Variants in ARPC3 observed in about 807,000 individuals in gnomAD.
The protein encoded by ARPC3 is actin-related protein 2/3 complex subunit 3.
ARPC3 carries 12 observed loss-of-function variants against 27.6 expected under a neutral mutation model. The ratio of observed to expected loss-of-function variants is 0.43; its 90% confidence interval spans 0.28 to 0.70. The LOEUF (loss-of-function observed/expected upper bound fraction) is 0.70. Ranked by LOEUF, ARPC3 falls within the 30% of genes least tolerant of loss-of-function variation. The probability of loss-of-function intolerance (pLI) is 0.17; values close to 1 mark genes in which losing one functional copy is unlikely to be tolerated. For missense variants in ARPC3, 153 were observed against 207.7 expected (o/e 0.74, Z 1.62); for synonymous variants, 53 against 67.2 (o/e 0.79, Z 1.03).
intron 1 of ARPC3, among the ~76,000 whole-genome samples, chr12:110,445,975 G>A (rs1269939724): frequency 6.6e-6 from 1 of 151,844 alleles, no homozygotes; most frequent in Non-Finnish European, 1.5e-5. Flanking sequence ...GTGGCGGCGT[G>A]CGCCTGTAGT....
chr12:110,441,626 G>A (rs2062438130), intron 2 of ARPC3, among the ~76,000 whole-genome samples: 2 of 151,954 alleles, frequency 1.3e-5, no homozygotes, highest in East Asian at 3.9e-4. Context: ...GAATTCCTGA[G>A]CGCAAGTGAT....
At chr12:110,441,768 C>T (rs1007182226) in intron 2 of ARPC3, among the ~76,000 whole-genome samples, 10 of 151,800 alleles carry the variant, frequency 6.6e-5, no homozygotes, top group Admixed American at 2.6e-4. Flanking sequence ...CAGTGACTCA[C>T]GCCTGTAATC....
intron 4 of ARPC3, 30 bp from the exon 5 acceptor site, chr12:110,436,713 C>CACAT: frequency 5.4e-5 from 7 of 129,890 alleles, no homozygotes; most frequent in Admixed American, 1.1e-4. Context: ...TATATATATA[C>CACAT]ACACACACAC....
At chr12:110,444,590 ATTTTC>A (rs1361472229) in intron 2 of ARPC3, among the ~76,000 whole-genome samples, 3 of 152,010 alleles carry the variant, frequency 2.0e-5, no homozygotes, top group Middle Eastern at 3.4e-3. Context: ...CAGCCTTGTG[ATTTTC>A]TTTTATGTTA....
intron 4 of ARPC3, 88 bp from the exon 5 acceptor site, chr12:110,436,771 GA>G (rs2062408470): frequency 9.3e-7 from 1 of 1,078,084 alleles, no homozygotes; most frequent in Non-Finnish European, 1.3e-6. Flanking sequence ...ACAGGGAAAA[GA>G]AGAATTCTAT....
intron 6 of ARPC3, among the ~76,000 whole-genome samples, 198 bp from the exon 7 acceptor site, chr12:110,435,415 C>T (rs997418846): frequency 1.3e-5 from 2 of 151,736 alleles, no homozygotes; most frequent in South Asian, 2.1e-4. Context: ...CTGCAAGCTC[C>T]GCCTCCTGGG....
At position 110,436,699 on chromosome 12, in the gene ARPC3, T is replaced by TATATATATATACACAC; in HGVS notation, c.253-17_253-16insGTGTGTATATATATAT. ...TGGAATTGCACTGGAAAAAAAAATA[T>TATATATATATACACAC]ATATATATATATACACACACACACA... On this transcript the variant is annotated splice_polypyrimidine_tract_variant and intron_variant, in intron 4 of 6. Coordinates refer to ENST00000228825, the MANE Select transcript of ARPC3 (RefSeq NM_001278556.2). 4 of 633,900 alleles carry TATATATATATACACAC rather than the reference T, an allele frequency of 6.3e-6. No individual in the cohort carries two copies. The highest frequency in any genetic ancestry group is 9.9e-6 in the Non-Finnish European group (4 of 403,986). The allele number at this position is 633,900 out of a possible 1,614,324, so 39.3% of individuals were successfully genotyped here.
intron 3 of ARPC3, among the ~76,000 whole-genome samples, 199 bp downstream of exon 3, chr12:110,440,113 T>C (rs1037755509): frequency 1.2e-4 from 18 of 152,112 alleles, no homozygotes; most frequent in Admixed American, 8.5e-4. Context: ...AGGTTAGAGT[T>C]TGCCAACCCC....
At chr12:110,438,824 G>T (rs565644746) in intron 3 of ARPC3, among the ~76,000 whole-genome samples, 1 of 151,096 alleles carries the variant, frequency 6.6e-6, no homozygotes. Flanking sequence ...TGTATTTTTA[G>T]TAGAGACGGG....
chr12:110,441,808 A>G (rs868306094), intron 2 of ARPC3, among the ~76,000 whole-genome samples: 43 of 152,032 alleles, frequency 2.8e-4, no homozygotes, highest in African/African-American at 1.0e-3. Flanking sequence ...AGACGGGTGG[A>G]TCACCTGAGG....
At chr12:110,440,044 G>A (rs2062427327) in intron 3 of ARPC3, among the ~76,000 whole-genome samples, 1 of 152,122 alleles carries the variant, frequency 6.6e-6, no homozygotes, top group African/African-American at 2.4e-5. Flanking sequence ...AAATGGTTGT[G>A]GCTGTGTTCC....
chr12:110,441,962 T>G (rs912420279), intron 2 of ARPC3, among the ~76,000 whole-genome samples: 4 of 148,498 alleles, frequency 2.7e-5, no homozygotes, highest in Middle Eastern at 3.4e-3. Context: ...AACTCGCGGG[T>G]GGAGGATGCA....
At chr12:110,449,640 T>C (rs771755222) in intron 1 of ARPC3, among the ~76,000 whole-genome samples, 3 of 152,156 alleles carry the variant, frequency 2.0e-5, no homozygotes, top group Non-Finnish European at 2.9e-5. Context: ...ATGGAGACCA[T>C]GACGGTGATA....
At chr12:110,440,256 G>C in intron 3 of ARPC3, 56 bp downstream of exon 3, 1 of 1,196,980 alleles carries the variant, frequency 8.4e-7, no homozygotes, top group Admixed American at 1.7e-5. Flanking sequence ...GGATAGCAAG[G>C]TTGGTATTAT....
At chr12:110,448,402 C>T (rs776590470) in intron 1 of ARPC3, among the ~76,000 whole-genome samples, 2 of 151,986 alleles carry the variant, frequency 1.3e-5, no homozygotes, top group Non-Finnish European at 1.5e-5. Flanking sequence ...TGAGGCTGAG[C>T]GAGGTGGCTC....
chr12:110,436,665 C>T lies in ARPC3; in HGVS notation c.271G>A (p.Gly91Ser). The change falls in exon 5 of 7, where the codon GGT (glycine) becomes AGT (serine). Residue 91 changes from glycine (G) to serine (S), a missense_variant. Gly to Ser is a moderately conservative substitution (Grantham distance 56). Coordinates refer to ENST00000228825, the MANE Select transcript of ARPC3 (RefSeq NM_001278556.2). ...KLQKCNSKSQ[G>S]EKEMYTLGIT... ...CCCAGCGTATACATTTCTTTCTCAC[C>T]TTGGCTTTTGGAATTGCACTGGAAA... is the stretch of plus-strand genomic sequence containing the variant. 1 of 1,591,700 alleles carries T rather than the reference C, an allele frequency of 6.3e-7. No homozygotes were observed. Among genetic ancestry groups the T allele is most frequent in the Non-Finnish European group, 8.5e-7 (1 of 1,169,846 alleles).
chr12:110,442,251 G>A (rs972651009), intron 2 of ARPC3, among the ~76,000 whole-genome samples: 1 of 152,002 alleles, frequency 6.6e-6, no homozygotes, highest in African/African-American at 2.4e-5. Flanking sequence ...TATTCAAGAC[G>A]TCTCTCAATG....
rs1211144819 is a variant in ARPC3, at chr12:110,448,794, G to T, written c.6+1461C>A. On this transcript the variant is annotated intron_variant, in intron 1 of 6. Coordinates refer to ENST00000228825, the MANE Select transcript of ARPC3 (RefSeq NM_001278556.2). ...CTTTTTTTCCGGGGGGGGGGGGGGTGGTGGTACAGAGTCTCACTCTGTCAC... is the reference window on the plus strand; with the variant it reads ...CTTTTTTTCCGGGGGGGGGGGGGGTTGTGGTACAGAGTCTCACTCTGTCAC... Among the ~76,000 whole-genome samples the T allele has an allele frequency of 1.9e-3, 110 of 58,448 alleles. 2 individuals carry two copies. Among genetic ancestry groups the T allele is most frequent in the African/African-American group, 8.9e-3 (100 of 11,298 alleles). 38.3% of individuals were successfully genotyped at this position (58,448 alleles called of 152,430 possible).
chr12:110,439,603 T>C (rs1158318148), intron 3 of ARPC3, among the ~76,000 whole-genome samples: 1 of 152,084 alleles, frequency 6.6e-6, no homozygotes, highest in African/African-American at 2.4e-5. Flanking sequence ...GAGGCTGAGG[T>C]GAGCGGATCA....
Sources: gnomAD v4.1 joint callset for allele counts (sites outside exome capture counted in the v4.1 genomes callset) on GRCh38, gnomAD v4.1.1 for gene constraint, MANE v1.5 for transcripts, NCBI Gene and HGNC (gene_info 2026-07-23, HGNC 2026-07-21) for gene names.